The following SPATA13 variants were observed in gnomAD, a reference collection of about 807,000 sequenced individuals.
SPATA13 encodes spermatogenesis-associated protein 13.
In SPATA13, 50 loss-of-function variants were observed where a neutral mutation model predicts 104.0. The ratio of observed to expected loss-of-function variants is 0.48; its 90% CI spans 0.38 to 0.61. SPATA13 has a LOEUF of 0.61. SPATA13 is among the 20% of genes least tolerant of loss of function. The probability of loss-of-function intolerance (pLI) is 0.00; values close to 1 mark genes in which losing one functional copy is unlikely to be tolerated. For synonymous variants in SPATA13, 606 were observed against 667.5 expected, an observed-to-expected ratio of 0.91 and a Z score of 1.42; for missense variants, 1,524 against 1,690.6, an observed-to-expected ratio of 0.90 and a Z score of 1.73.
Position 24,181,891 on chromosome 13 carries a change from G to A in SPATA13, c.-112+20959G>A, listed in dbSNP as rs527488302. 8.5e-5 allele frequency among the ~76,000 whole-genome samples: 13 copies of A among 152,182 alleles called. No homozygotes were observed. In the South Asian group the frequency reaches 2.7e-3, roughly 32 times the overall value. On this transcript the variant is annotated intron_variant, in intron 1 of 12. Coordinates refer to ENST00000382108, the MANE Select transcript of SPATA13 (RefSeq NM_001166271.3). ...GCACTTTGGGAGGCCAAGACGGGTG[G>A]ATCACCTGAGGTCAGGAGTTCGAGA...
intron 2 of SPATA13, among the ~76,000 whole-genome samples, chr13:23,986,386 C>T (rs1455220558): frequency 3.3e-5 from 5 of 152,178 alleles, no homozygotes; most frequent in Non-Finnish European, 7.3e-5. Flanking sequence ...AAATGCTTAT[C>T]GAGCCAAATT....
At chr13:24,221,694 G>A (rs1871594229) in intron 1 of SPATA13, among the ~76,000 whole-genome samples, 1 of 152,158 alleles carries the variant, frequency 6.6e-6, no homozygotes, top group Non-Finnish European at 1.5e-5. Context: ...TTGGGGGAAG[G>A]TGTGGAAGTG....
At chr13:24,155,938 T>A (rs1882244238), upstream of SPATA13, among the ~76,000 whole-genome samples, 1 of 152,218 alleles carries the variant, frequency 6.6e-6, no homozygotes. Flanking sequence ...CTACAGTATC[T>A]GTCCTTTTGT....
chr13:24,102,597 C>T (rs547076407), intron 3 of SPATA13, among the ~76,000 whole-genome samples: 10 of 151,942 alleles, frequency 6.6e-5, no homozygotes, highest in East Asian at 1.9e-4. Flanking sequence ...TCCTCAGCCT[C>T]CTGAGTAGCT....
Position 24,205,826 on chromosome 13 carries a change from C to T in SPATA13, c.-111-16993C>T, listed in dbSNP as rs1373041637. The stretch of plus-strand genomic sequence containing the variant: ...TTTGACAAACCTGACCAAAAACAAG[C>T]AATGGAGAAAGGATACCCTATTTAA... On this transcript the variant is annotated intron_variant, in intron 1 of 12. Transcript: ENST00000382108. This position sits in a 1 kb window ranked among gnomAD's most constrained non-coding sequence, Gnocchi z 4.1. Among the ~76,000 whole-genome samples the T allele has an allele frequency of 1.3e-5, 2 of 152,072 alleles. No individual in the cohort carries two copies. Among genetic ancestry groups the T allele is most frequent in the African/African-American group, 2.4e-5 (1 of 41,412 alleles).
chr13:24,205,965 C>T lies in SPATA13; in HGVS notation c.-111-16854C>T, dbSNP rs1566149846. Among the ~76,000 whole-genome samples, 1 of 152,108 alleles carries T rather than the reference C, an allele frequency of 6.6e-6. No individual in the cohort carries two copies. Among genetic ancestry groups the T allele is most frequent in the African/African-American group, 2.4e-5 (1 of 41,418 alleles). ...AAGGCTTAAATGTAAAACCCCAAAC[C>T]TTAAAAACCCTAGAAGAAAATCTAG... On this transcript the variant is annotated intron_variant, in intron 1 of 12. Transcript: ENST00000382108. This position sits in a 1 kb window ranked among gnomAD's most constrained non-coding sequence, Gnocchi z 4.1.
At chr13:24,180,020 A>G (rs1360933685) in intron 1 of SPATA13, among the ~76,000 whole-genome samples, 1 of 152,140 alleles carries the variant, frequency 6.6e-6, no homozygotes, top group South Asian at 2.1e-4. Context: ...TGATGAAATC[A>G]TTTAGCTATT....
intron 1 of SPATA13, among the ~76,000 whole-genome samples, chr13:24,195,323 G>T (rs1443953269): frequency 6.6e-6 from 1 of 152,152 alleles, no homozygotes; most frequent in Non-Finnish European, 1.5e-5. Flanking sequence ...TCAATTATGT[G>T]GATATCAAAT....
chr13:24,254,630 A>G (rs574997173), intron 4 of SPATA13, among the ~76,000 whole-genome samples: 1 of 152,298 alleles, frequency 6.6e-6, no homozygotes, highest in Non-Finnish European at 1.5e-5. Context: ...TGGCCCTTCC[A>G]GTAGGGACAA....
chr13:24,211,505 AT>A (rs1434847179), intron 1 of SPATA13, among the ~76,000 whole-genome samples: 1 of 152,192 alleles, frequency 6.6e-6, no homozygotes, highest in African/African-American at 2.4e-5. Flanking sequence ...ATCTGTTGAG[AT>A]AGTCCTATGA....
intron 3 of SPATA13, among the ~76,000 whole-genome samples, chr13:24,017,901 A>G (rs1876788787): frequency 6.6e-6 from 1 of 152,220 alleles, no homozygotes; most frequent in Admixed American, 6.5e-5. Flanking sequence ...CTGTCAAGGT[A>G]TTTGAGATGA....
rs779292491 is a variant in SPATA13, at chr13:24,088,192, AACTGGCGTGTT to A, written c.-112+70493_-112+70503del. Among the ~76,000 whole-genome samples the A allele has an allele frequency of 1.3e-5, 2 of 152,102 alleles. No individual in the cohort carries two copies. Among genetic ancestry groups the A allele is most frequent in the Admixed American group, 6.5e-5 (1 of 15,268 alleles). On this transcript the variant is annotated intron_variant, in intron 3 of 14. Coordinates refer to the SPATA13 transcript ENST00000424834. This position sits in a 1 kb window ranked among gnomAD's most constrained non-coding sequence, Gnocchi z 4.3. ...CTGAGGTGTGTCCTGGCAGACAGGG[AACTGGCGTGTT>A]AATGCTCCCTAGGCAGCACTGGATG...
At chr13:24,038,577 T>A (rs1877800663) in intron 3 of SPATA13, among the ~76,000 whole-genome samples, 1 of 152,102 alleles carries the variant, frequency 6.6e-6, no homozygotes, top group Non-Finnish European at 1.5e-5. Context: ...TTCGGTAAAG[T>A]GCCGAGAGTA....
chr13:24,258,450 T>C (rs1305292312), intron 4 of SPATA13, among the ~76,000 whole-genome samples: 2 of 151,418 alleles, frequency 1.3e-5, no homozygotes, highest in Non-Finnish European at 2.9e-5. Context: ...GCAGATCACT[T>C]GAGCCCACAA....
At chr13:24,135,207 A>T (rs1033903838) in intron 3 of SPATA13, among the ~76,000 whole-genome samples, 1 of 123,266 alleles carries the variant, frequency 8.1e-6, no homozygotes, top group Non-Finnish European at 1.6e-5. Context: ...AAATGAATAC[A>T]CTCATTATTC....
intron 3 of SPATA13, among the ~76,000 whole-genome samples, chr13:24,057,721 T>C (rs1372852925): frequency 6.6e-6 from 1 of 151,722 alleles, no homozygotes; most frequent in East Asian, 1.9e-4. Flanking sequence ...CGTATATATG[T>C]GTGATCTTTT....
chr13:23,981,023 C>T (rs560561529), intron 1 of SPATA13, among the ~76,000 whole-genome samples: 149 of 152,280 alleles, frequency 9.8e-4, no homozygotes, highest in Non-Finnish European at 1.6e-3. Context: ...AATTGTTCCT[C>T]AGCTTTTCAA....
intron 2 of SPATA13, among the ~76,000 whole-genome samples, chr13:23,994,494 C>T (rs571824661): frequency 3.3e-4 from 50 of 152,274 alleles, no homozygotes; most frequent in Non-Finnish European, 6.9e-4. Flanking sequence ...GGAGGAGGTT[C>T]GTGTGTGGGA....
At chr13:24,109,667 A>T (rs1173471542) in intron 3 of SPATA13, among the ~76,000 whole-genome samples, 1 of 152,112 alleles carries the variant, frequency 6.6e-6, no homozygotes, top group Non-Finnish European at 1.5e-5. Context: ...ACTAGAACCT[A>T]CGGAAACTCT....
Sources: gnomAD v4.1 joint callset for allele counts (sites outside exome capture counted in the v4.1 genomes callset) on GRCh38, gnomAD v4.1.1 for gene constraint, Gnocchi (gnomAD v3.1) non-coding constraint, MANE v1.5 for transcripts, NCBI Gene and HGNC (gene_info 2026-07-23, HGNC 2026-07-21) for gene names.